Variants in KDM4A observed in about 807,000 individuals in gnomAD.
KDM4A encodes the protein lysine demethylase 4A, also known as lysine-specific demethylase 4A.
A neutral mutation model predicts 127.1 loss-of-function variants in KDM4A; 23 were observed. The observed-to-expected ratio is 0.18, with a 90% confidence interval of 0.13 to 0.26. The LOEUF is 0.26. Among genes scored for constraint, KDM4A ranks in the 10% least tolerant of loss-of-function variants. The probability of loss-of-function intolerance (pLI) is 1.00; values close to 1 mark genes in which losing one functional copy is unlikely to be tolerated. For synonymous variants in KDM4A, 443 were observed against 466.5 expected (o/e 0.95, Z 0.65); for missense variants, 890 against 1,329.1 (o/e 0.67, Z 5.14).
chr1:43,690,207 C>T (rs1661076365), intron 13 of KDM4A, among the ~76,000 whole-genome samples: 1 of 152,230 alleles, frequency 6.6e-6, no homozygotes, highest in Admixed American at 6.5e-5. Context: ...GCACAAGAGG[C>T]AATTAGTGCT....
At chr1:43,686,151 G>GTTTTTTTTTTTTTTTTTTT (rs35512755) in intron 12 of KDM4A, among the ~76,000 whole-genome samples, 1 of 97,906 alleles carries the variant, frequency 1.0e-5, no homozygotes, top group African/African-American at 4.0e-5. Flanking sequence ...TTTGTTTCTT[G>GTTTTTTTTTTTTTTTTTTT]TTTTTTTTTT....
At chr1:43,652,973 C>T (rs112476957) in intron 1 of KDM4A, among the ~76,000 whole-genome samples, 164 bp from the exon 2 acceptor site, 10,292 of 152,268 alleles carry the variant, frequency 0.068, 425 homozygotes, top group East Asian at 0.24. Flanking sequence ...CGTGAGCCAC[C>T]GTGCCCGGCC....
chr1:43,685,390 A>G (rs1660949419), intron 12 of KDM4A, among the ~76,000 whole-genome samples: 1 of 151,788 alleles, frequency 6.6e-6, no homozygotes, highest in African/African-American at 2.4e-5. Flanking sequence ...ACTCTTGACT[A>G]ACATCAGGCC....
intron 19 of KDM4A, among the ~76,000 whole-genome samples, chr1:43,699,101 T>A (rs539100914): frequency 0.013 from 2,012 of 151,090 alleles, 55 homozygotes; most frequent in African/African-American, 0.047. Context: ...ATTTTTTTTT[T>A]TTTTTTTTTG....
chr1:43,684,642 G>T (rs939063270), intron 12 of KDM4A, among the ~76,000 whole-genome samples: 4 of 152,220 alleles, frequency 2.6e-5, no homozygotes, highest in African/African-American at 9.6e-5. Context: ...AGTGATAGGT[G>T]GAGTAGGAGG....
chr1:43,661,184 A>G (rs1353912961), intron 4 of KDM4A, among the ~76,000 whole-genome samples: 1 of 151,974 alleles, frequency 6.6e-6, no homozygotes, highest in East Asian at 1.9e-4. Context: ...CATGTTGCTC[A>G]GGCTGGTTTT....
At chr1:43,658,497 G>T (rs963957702) in intron 3 of KDM4A, among the ~76,000 whole-genome samples, 47 of 143,686 alleles carry the variant, frequency 3.3e-4, no homozygotes, top group Admixed American at 1.0e-3. Context: ...CAGTTACTTA[G>T]TCAGATTTTT....
intron 12 of KDM4A, among the ~76,000 whole-genome samples, chr1:43,687,659 G>A (rs1327591608): frequency 6.6e-6 from 1 of 152,222 alleles, no homozygotes; most frequent in African/African-American, 2.4e-5. Flanking sequence ...TATACCTTCA[G>A]AATTATGGCG....
Position 43,654,542 on chromosome 1 carries a change from C to T in KDM4A, c.139-1049C>T, listed in dbSNP as rs1660191945. ...TGGATTCAACTCATTCTTCTTTTTT[C>T]TCATGTCGACTGTCTTGTTAATTTA... On this transcript the variant is annotated intron_variant, in intron 2 of 21. Transcript: ENST00000372396. 2.1e-5 allele frequency among the ~76,000 whole-genome samples: 3 copies of T among 144,468 alleles called. No individual in the cohort carries two copies. In the Admixed American group the frequency reaches 2.1e-4, roughly 10 times the overall value. The allele number at this position is 144,468 out of a possible 152,430, so 94.8% of individuals were successfully genotyped here. A position where few individuals can be genotyped will look rare whatever the true frequency, so the allele number is the denominator to read the frequency against.
At chr1:43,695,667 T>G (rs1253843186) in intron 18 of KDM4A, among the ~76,000 whole-genome samples, 1 of 152,176 alleles carries the variant, frequency 6.6e-6, no homozygotes, top group Non-Finnish European at 1.5e-5. Context: ...CAGGTGGTTG[T>G]TTGAAGAGAG....
intron 4 of KDM4A, among the ~76,000 whole-genome samples, chr1:43,661,839 A>T (rs1413413805): frequency 6.6e-6 from 1 of 152,102 alleles, no homozygotes; most frequent in Non-Finnish European, 1.5e-5. Context: ...CACATTTTTT[A>T]TGAAGACACT....
intron 6 of KDM4A, among the ~76,000 whole-genome samples, chr1:43,666,024 A>G (rs371288885): frequency 2.6e-5 from 4 of 152,298 alleles, no homozygotes; most frequent in East Asian, 1.9e-4. Flanking sequence ...TAAAGACCCA[A>G]ATGTTAAAGA....
intron 10 of KDM4A, among the ~76,000 whole-genome samples, chr1:43,670,088 T>C (rs1370793812): frequency 5.3e-5 from 8 of 152,232 alleles, no homozygotes; most frequent in Non-Finnish European, 1.5e-5. Context: ...GATGTAGGGC[T>C]GTCTGCCATT....
At chr1:43,678,500 G>A (rs149490836) in intron 11 of KDM4A, among the ~76,000 whole-genome samples, 4 of 152,216 alleles carry the variant, frequency 2.6e-5, no homozygotes, top group Middle Eastern at 3.4e-3. Flanking sequence ...GCCAAGTGGG[G>A]GAAGTTGAAG....
At chr1:43,660,245 TGCC>T (rs1660340528) in intron 3 of KDM4A, 50 bp from the exon 4 acceptor site, 1 of 1,567,472 alleles carries the variant, frequency 6.4e-7, no homozygotes, top group African/African-American at 1.4e-5. Context: ...ATGTTCATAA[TGCC>T]TAATAAACCC....
chr1:43,664,718 T>C (rs1660461810), intron 5 of KDM4A, among the ~76,000 whole-genome samples: 2 of 152,216 alleles, frequency 1.3e-5, no homozygotes, highest in Non-Finnish European at 1.5e-5. Flanking sequence ...AGGCTAGACT[T>C]GTAGGATGTG....
intron 12 of KDM4A, among the ~76,000 whole-genome samples, chr1:43,687,070 C>T (rs1001275944): frequency 1.1e-4 from 16 of 152,272 alleles, no homozygotes; most frequent in African/African-American, 3.4e-4. Flanking sequence ...TCCATTCTAT[C>T]TTGGTCACTC....
Position 43,662,976 on chromosome 1 carries a change from T to C in KDM4A, c.512T>C (p.Val171Ala). 6.2e-7 allele frequency: 1 copy of C among 1,614,176 alleles called. No homozygotes were observed. Among genetic ancestry groups the C allele is most frequent in the Non-Finnish European group, 8.5e-7 (1 of 1,180,018 alleles). The change falls in exon 5 of 22, where the codon GTG (valine) becomes GCG (alanine). Residue 171 changes from valine (V) to alanine (A), a missense_variant. Around this residue, in one of 7 missense-constraint regions of KDM4A, gnomAD observed 141 missense variants for 273.5 expected, o/e 0.52. Transcript: ENST00000372396. Reference sequence around the variant, plus strand: ...GAGAGTGGGATCACCATTGAGGGTGTGAACACCCCATACCTGTACTTTGGC... The same window carrying C: ...GAGAGTGGGATCACCATTGAGGGTGCGAACACCCCATACCTGTACTTTGGC... ...EKESGITIEG[V>A]NTPYLYFGMW...
chr1:43,685,409 C>G (rs1392242739), intron 12 of KDM4A, among the ~76,000 whole-genome samples: 1 of 151,918 alleles, frequency 6.6e-6, no homozygotes, highest in Non-Finnish European at 1.5e-5. Flanking sequence ...CCCTGTCCTA[C>G]CTGGTCCTCT....
Sources: allele counts gnomAD v4.1 joint callset (sites outside exome capture counted in the v4.1 genomes callset), GRCh38; gene constraint gnomAD v4.1.1; regional missense constraint gnomAD v4.1.1; transcripts MANE v1.5; gene names NCBI Gene and HGNC (gene_info 2026-07-23, HGNC 2026-07-21).